Variants in SEM1 observed in about 807,000 individuals in gnomAD.
The protein encoded by SEM1 is 26S proteasome complex subunit SEM1.
Under a neutral mutation model 12.7 loss-of-function variants are expected in SEM1, and 3 were observed. The observed-to-expected ratio is 0.24, with a 90% confidence interval of 0.11 to 0.61. The LOEUF is 0.61. Ranked by LOEUF, SEM1 falls within the 20% of genes least tolerant of loss-of-function variation. SEM1 has a pLI of 0.88. For synonymous variants in SEM1, 30 were observed against 27.8 expected (o/e 1.08, Z -0.25); for missense variants, 59 against 81.3 (o/e 0.73, Z 1.06).
chr7:96,653,368 T>G (rs994702696), intron 2 of SEM1, among the ~76,000 whole-genome samples: 2 of 152,222 alleles, frequency 1.3e-5, no homozygotes, highest in Non-Finnish European at 2.9e-5. Flanking sequence ...CTTATTGGGA[T>G]CTACAGAGAT....
downstream of SEM1, among the ~76,000 whole-genome samples, chr7:96,618,823 C>T (rs1299553933): frequency 5.3e-5 from 8 of 152,252 alleles, no homozygotes; most frequent in Non-Finnish European, 1.0e-4. Context: ...GGCTGGCATG[C>T]ACATGTAGTC....
At chr7:96,508,871 A>T (rs916830433) in intron 2 of SEM1, among the ~76,000 whole-genome samples, 7 of 152,158 alleles carry the variant, frequency 4.6e-5, no homozygotes. Context: ...TTAAATAAAG[A>T]TGTATTCTGT....
chr7:96,556,443 C>T (rs1459467222), intron 2 of SEM1, among the ~76,000 whole-genome samples: 1 of 152,190 alleles, frequency 6.6e-6, no homozygotes, highest in East Asian at 1.9e-4. Flanking sequence ...TTCTCCTTCG[C>T]TTATGAAGCT....
intron 1 of SEM1, among the ~76,000 whole-genome samples, chr7:96,703,766 C>T (rs1014185072): frequency 6.6e-6 from 1 of 151,816 alleles, no homozygotes; most frequent in Non-Finnish European, 1.5e-5. Flanking sequence ...GGCAACATAA[C>T]GAGACCAAAT....
At chr7:96,685,179 G>C (rs1021144994), downstream of SEM1, among the ~76,000 whole-genome samples, 1 of 152,036 alleles carries the variant, frequency 6.6e-6, no homozygotes, top group Non-Finnish European at 1.5e-5. Flanking sequence ...CTTTCAAAAG[G>C]GACTTGGCTC....
intron 2 of SEM1, among the ~76,000 whole-genome samples, chr7:96,559,180 T>C (rs975738169): frequency 7.2e-5 from 11 of 152,288 alleles, no homozygotes; most frequent in Admixed American, 2.0e-4. Flanking sequence ...AAACAATTAC[T>C]GTAACTTTTT....
chr7:96,546,906 G>T (rs1289503395), intron 2 of SEM1, among the ~76,000 whole-genome samples: 3 of 152,024 alleles, frequency 2.0e-5, no homozygotes, highest in Non-Finnish European at 4.4e-5. Flanking sequence ...TGTCATCACT[G>T]GTAGCCACCT....
At chr7:96,485,975 C>G (rs548904209) in intron 2 of SEM1, among the ~76,000 whole-genome samples, 1 of 152,084 alleles carries the variant, frequency 6.6e-6, no homozygotes, top group Non-Finnish European at 1.5e-5. Context: ...ACCACAGCCA[C>G]CAAGGTTTTT....
chr7:96,670,974 C>A (rs1450709279), downstream of SEM1, among the ~76,000 whole-genome samples: 1 of 152,144 alleles, frequency 6.6e-6, no homozygotes, highest in Admixed American at 6.6e-5. Flanking sequence ...TTTGTTGATT[C>A]CACGAAAATG....
chr7:96,497,072 G>A (rs1418566179), upstream of SEM1, among the ~76,000 whole-genome samples: 1 of 151,474 alleles, frequency 6.6e-6, no homozygotes, highest in African/African-American at 2.4e-5. Context: ...ATCTAATGTT[G>A]AACAATGTAA....
intron 2 of SEM1, among the ~76,000 whole-genome samples, chr7:96,594,172 T>C (rs1182273655): frequency 2.0e-5 from 3 of 152,218 alleles, no homozygotes; most frequent in Non-Finnish European, 4.4e-5. Flanking sequence ...ATGTGCTGAA[T>C]ATTCTGTCTC....
At chr7:96,566,072 A>G (rs1317399007) in intron 2 of SEM1, among the ~76,000 whole-genome samples, 1 of 151,852 alleles carries the variant, frequency 6.6e-6, no homozygotes, top group Non-Finnish European at 1.5e-5. Context: ...GTGTGACATT[A>G]ATTAATCTAT....
At chr7:96,553,222 T>G (rs1438581376) in intron 2 of SEM1, among the ~76,000 whole-genome samples, 38 of 149,738 alleles carry the variant, frequency 2.5e-4, no homozygotes, top group East Asian at 1.8e-3. Context: ...GTCAATTTTG[T>G]CTTTTGTTGC....
chr7:96,603,071 T>C (rs946660466), intron 2 of SEM1, among the ~76,000 whole-genome samples: 2 of 152,184 alleles, frequency 1.3e-5, no homozygotes, highest in African/African-American at 2.4e-5. Flanking sequence ...AGTTTAGTTT[T>C]TAACCTGACA....
rs149943812 is a variant in SEM1 at position 96,591,342 on chromosome 7, C to T, written c.171-84644G>A. The stretch of plus-strand genomic sequence containing the variant: ...GTTAACTTCTGAGGTTTTAAAACAA[C>T]GAACTGTCAACCACCAGAATGGCGA... On this transcript the variant is annotated intron_variant and NMD_transcript_variant, in intron 2 of 3. Coordinates refer to the SEM1 transcript ENST00000466986. Among the ~76,000 whole-genome samples, 751 of 152,266 alleles carry T rather than the reference C, an allele frequency of 4.9e-3. 10 individuals are homozygous for T. The highest frequency in any genetic ancestry group is 0.017 in the African/African-American group (716 of 41,554).
chr7:96,647,585 T>A (rs1024933956), intron 2 of SEM1: 1 of 152,118 alleles, frequency 6.6e-6, no homozygotes, highest in Non-Finnish European at 1.5e-5. Context: ...ACCAGTTGAA[T>A]ACAAAAGCCT....
rs562151891 is a variant in SEM1, at chr7:96,542,734, G to A, written c.171-36036C>T. On this transcript the variant is annotated intron_variant and NMD_transcript_variant, in intron 2 of 3. Transcript: ENST00000466986. Reference sequence around the variant, plus strand: ...TAATGATAACGAGGGTGTAGGAACTGGACATTCATATATGGTTTGTGAGAG... The same window carrying A: ...TAATGATAACGAGGGTGTAGGAACTAGACATTCATATATGGTTTGTGAGAG... Among the ~76,000 whole-genome samples the A allele has an allele frequency of 2.5e-3, 373 of 151,880 alleles. 1 individual carries two copies. The highest frequency in any genetic ancestry group is 8.7e-3 in the African/African-American group (362 of 41,492).
intron 1 of SEM1, among the ~76,000 whole-genome samples, chr7:96,486,917 G>T (rs369482194): frequency 6.6e-6 from 1 of 152,296 alleles, no homozygotes; most frequent in East Asian, 1.9e-4. Flanking sequence ...GGAGGCCCCT[G>T]AAAAGCACTG....
Position 96,694,775 on chromosome 7 carries a change from T to C in SEM1, c.170+23A>G, listed in dbSNP as rs777342524. The C allele has an allele frequency of 4.8e-6, 7 of 1,461,942 alleles. No homozygotes were observed. The South Asian group carries it at 6.9e-5, about 14-fold the overall frequency. 90.6% of individuals were successfully genotyped at this position (1,461,942 alleles called of 1,614,324 possible). A position where few individuals can be genotyped will look rare whatever the true frequency, so the allele number is the denominator to read the frequency against. On this transcript the variant is annotated intron_variant, in intron 2 of 2. Coordinates refer to ENST00000248566, the MANE Select transcript of SEM1 (RefSeq NM_006304.2). Reference sequence around the variant, plus strand: ...GCTTATAATTAATACTGAACTACAATAAAAATCTGGCTTAAAACTTACCGT... The same window carrying C: ...GCTTATAATTAATACTGAACTACAACAAAAATCTGGCTTAAAACTTACCGT...
Sources: gnomAD v4.1 joint callset for allele counts (sites outside exome capture counted in the v4.1 genomes callset) on GRCh38, gnomAD v4.1.1 for gene constraint, MANE v1.5 for transcripts, NCBI Gene and HGNC (gene_info 2026-07-23, HGNC 2026-07-21) for gene names.